Variants in ANK2 observed in about 807,000 individuals in gnomAD.
ANK2 encodes ankyrin 2.
ANK2 carries 83 observed loss-of-function variants against 360.5 expected under a neutral mutation model. The ratio of observed to expected loss-of-function variants is 0.23; its 90% confidence interval spans 0.19 to 0.28. The LOEUF is 0.28. ANK2 is among the 10% of genes least tolerant of loss of function. ANK2 has a pLI of 1.00. For missense variants in ANK2, 4,201 were observed against 4,795.7 expected (o/e 0.88, Z 3.66); for synonymous variants, 1,740 against 1,759.5 (o/e 0.99, Z 0.28).
At position 113,357,985 on chromosome 4, in the gene ANK2, T is replaced by C. The variant is rs1264680671; in HGVS notation, c.9367T>C (p.Ser3123Pro). Residue 3123 changes from serine to proline, a missense_variant, in exon 38 of 46, where the codon TCC becomes CCC. Physicochemically the swap from Ser to Pro is moderately conservative, Grantham distance 74 (BLOSUM62 -1). Coordinates refer to ENST00000357077, the MANE Select transcript of ANK2 (RefSeq NM_001148.6). ...RSGAIDMTKR[S>P]YADESFHFFQ... ...TGGTGCCATTGATATGACCAAAAGG[T>C]CCTATGCAGATGAAAGTTTTCACTT... 1 of 1,613,818 alleles carries C rather than the reference T, an allele frequency of 6.2e-7. No individual in the cohort carries two copies. Among genetic ancestry groups the C allele is most frequent in the African/African-American group, 1.3e-5 (1 of 74,872 alleles).
At chr4:113,307,171 A>G (rs1266495255) in intron 23 of ANK2, among the ~76,000 whole-genome samples, 1 of 152,160 alleles carries the variant, frequency 6.6e-6, no homozygotes. Context: ...TATACTAGTA[A>G]TCAAGAGAAC....
chr4:113,353,673 T>A lies in ANK2; in HGVS notation c.5055T>A (p.Asp1685Glu). The A allele has an allele frequency of 6.2e-7, 1 of 1,613,592 alleles. No homozygotes were observed. Among genetic ancestry groups the A allele is most frequent in the East Asian group, 2.2e-5 (1 of 44,830 alleles). ...AGGAAGGGAAAGACATACCCCCAGA[T>A]GAGACACAGAGTACACAGAAACAGC... is the stretch of plus-strand genomic sequence containing the variant. ...SEKEGKDIPP[D>E]ETQSTQKQHK... Residue 1685 changes from aspartate (D) to glutamate (E), a missense_variant, in exon 38 of 46, where the codon GAT (aspartate) becomes GAA (glutamate). Coordinates refer to ENST00000357077, the MANE Select transcript of ANK2 (RefSeq NM_001148.6).
intron 2 of ANK2, among the ~76,000 whole-genome samples, chr4:113,018,131 CT>C (rs1257461441): frequency 6.6e-6 from 1 of 152,206 alleles, no homozygotes; most frequent in African/African-American, 2.4e-5. Context: ...GTCAGTCAGT[CT>C]TGATGTCTGT....
At chr4:113,205,591 T>G (rs375436255) in intron 4 of ANK2, among the ~76,000 whole-genome samples, 2 of 152,196 alleles carry the variant, frequency 1.3e-5, no homozygotes, top group African/African-American at 4.8e-5. Context: ...GATTAGGTGA[T>G]TATTTTATTA....
At position 113,302,855 on chromosome 4, in the gene ANK2, A is replaced by G. The variant is rs1331406788; in HGVS notation, c.2548+16A>G. 7 of 1,601,690 alleles carry G rather than the reference A, an allele frequency of 4.4e-6. No homozygotes were observed. Among genetic ancestry groups the G allele is most frequent in the African/African-American group, 2.7e-5 (2 of 74,588 alleles). On this transcript the variant is annotated intron_variant, in intron 23 of 45. Transcript: ENST00000357077. The stretch of plus-strand genomic sequence containing the variant: ...GATGAAGAGGGTAAGACTTCTATTC[A>G]ATCTTCTATGACACCTGTCATGTTC...
intron 1 of ANK2, chr4:113,069,998 T>C (rs1389659143): frequency 6.6e-6 from 1 of 152,206 alleles, no homozygotes; most frequent in Non-Finnish European, 1.5e-5. Context: ...TCCTGGGGGA[T>C]GTCCTGTTCA....
At chr4:112,966,456 AGTGT>A (rs201465151) in intron 2 of ANK2, among the ~76,000 whole-genome samples, 1 of 151,500 alleles carries the variant, frequency 6.6e-6, no homozygotes, top group African/African-American at 2.4e-5. Context: ...CAAATGAGTA[AGTGT>A]GTGTGTGTGT....
chr4:112,835,498 CT>C (rs1313696695), intron 1 of ANK2, among the ~76,000 whole-genome samples: 2 of 152,078 alleles, frequency 1.3e-5, no homozygotes, highest in East Asian at 3.9e-4. Context: ...AATTATCAGA[CT>C]TTTTCACTCT....
chr4:113,252,991 G>A (rs766661902), intron 10 of ANK2, among the ~76,000 whole-genome samples: 29 of 152,256 alleles, frequency 1.9e-4, no homozygotes, highest in Admixed American at 1.4e-3. Flanking sequence ...TCAAACTTAT[G>A]TAGACTTCTT....
At chr4:112,916,622 C>T (rs2089922466) in intron 2 of ANK2, among the ~76,000 whole-genome samples, 1 of 152,302 alleles carries the variant, frequency 6.6e-6, no homozygotes, top group Non-Finnish European at 1.5e-5. Context: ...ACCAAGACCT[C>T]TTTCTCCTTA....
rs1554246496 is a variant in ANK2 at position 113,186,587 on chromosome 4, T to TTCTC, written c.187-9764_187-9761dup. Among the ~76,000 whole-genome samples the TTCTC allele has an allele frequency of 1.5e-4, 7 of 46,892 alleles. No individual in the cohort carries two copies. The East Asian group carries it at 4.1e-3, about 27-fold the overall frequency. 30.8% of individuals were successfully genotyped at this position (46,892 alleles called of 152,430 possible). ...CTCTCTCTCTCTCTCTCTCTCTCTC[T>TTCTC]TCTCTCTCTCTCTCTCTCTCCCTCA... On this transcript the variant is annotated intron_variant, in intron 2 of 45. Coordinates refer to ENST00000357077, the MANE Select transcript of ANK2 (RefSeq NM_001148.6).
At chr4:113,205,803 G>A (rs2098938866) in intron 4 of ANK2, among the ~76,000 whole-genome samples, 2 of 152,196 alleles carry the variant, frequency 1.3e-5, no homozygotes, top group African/African-American at 4.8e-5. Flanking sequence ...TGAAGAGGAA[G>A]GAAACACACA....
rs866965780 is a variant in ANK2 at position 113,357,341 on chromosome 4, T to C, written c.8723T>C (p.Val2908Ala). Residue 2908 changes from valine (V) to alanine (A), a missense_variant, in exon 38 of 46, where the codon GTT (valine) becomes GCT (alanine). Physicochemically the swap from Val to Ala is moderately conservative, Grantham distance 64. Coordinates refer to ENST00000357077, the MANE Select transcript of ANK2 (RefSeq NM_001148.6). The part of the protein sequence containing the change: ...TTQTDRFSMD[V>A]PVSDLAENDE... ...CAAACAGATAGATTTTCCATGGATG[T>C]TCCCGTGTCTGACCTAGCTGAGAAT... The C allele has an allele frequency of 6.2e-7, 1 of 1,614,066 alleles. No homozygotes were observed. Among genetic ancestry groups the C allele is most frequent in the South Asian group, 1.1e-5 (1 of 91,082 alleles).
At chr4:113,291,571 C>A (rs1307919897) in intron 20 of ANK2, among the ~76,000 whole-genome samples, 1 of 152,098 alleles carries the variant, frequency 6.6e-6, no homozygotes, top group Non-Finnish European at 1.5e-5. Context: ...ACAGAACAAG[C>A]AAATATGTAT....
chr4:113,030,352 C>T (rs946698401), intron 2 of ANK2, among the ~76,000 whole-genome samples: 19 of 152,068 alleles, frequency 1.2e-4, no homozygotes, highest in African/African-American at 4.1e-4. Context: ...CAAGAACCTA[C>T]GTAATTTTCC....
intron 1 of ANK2, among the ~76,000 whole-genome samples, chr4:113,147,490 T>G (rs2096877654): frequency 6.6e-6 from 1 of 152,208 alleles, no homozygotes; most frequent in South Asian, 2.1e-4. Flanking sequence ...AATCTTCTGC[T>G]AAAGGTTTTA....
intron 2 of ANK2, among the ~76,000 whole-genome samples, chr4:113,180,625 T>G (rs2098387237): frequency 6.6e-6 from 1 of 152,124 alleles, no homozygotes; most frequent in African/African-American, 2.4e-5. Context: ...ACTAAAATCT[T>G]TTTCACAAAT....
intron 4 of ANK2, among the ~76,000 whole-genome samples, chr4:113,209,055 A>G (rs956690110): frequency 6.6e-6 from 1 of 152,022 alleles, no homozygotes; most frequent in Non-Finnish European, 1.5e-5. Flanking sequence ...GAAAAGGAAT[A>G]CAAATGGATT....
chr4:113,354,504 T>A lies in ANK2; in HGVS notation c.5886T>A (p.Pro1962=). The change falls in exon 38 of 46, where the codon CCT becomes CCA. Residue 1962 remains proline (P), a synonymous_variant. Transcript: ENST00000357077. ...STAGKTEKHL[P]VSPSGKTEKQ... ...CTGGGAAAACTGAGAAGCACCTGCCTGTGTCACCTTCTGGCAAAACAGAAA... is the reference window on the plus strand; with the variant it reads ...CTGGGAAAACTGAGAAGCACCTGCCAGTGTCACCTTCTGGCAAAACAGAAA... The A allele has an allele frequency of 1.9e-6, 3 of 1,614,112 alleles. No homozygotes were observed. Among genetic ancestry groups the A allele is most frequent in the Non-Finnish European group, 1.7e-6 (2 of 1,179,986 alleles).
Sources: gnomAD v4.1 joint callset for allele counts (sites outside exome capture counted in the v4.1 genomes callset) on GRCh38, gnomAD v4.1.1 for gene constraint, MANE v1.5 for transcripts, NCBI Gene and HGNC (gene_info 2026-07-23, HGNC 2026-07-21) for gene names.